FAM81A: variants seen among roughly 807,000 people sequenced by gnomAD.
FAM81A encodes the protein family with sequence similarity 81 member A.
FAM81A carries 19 observed loss-of-function variants against 46.7 expected under a neutral mutation model. The ratio of observed to expected loss-of-function variants is 0.41; its 90% CI spans 0.28 to 0.60. The LOEUF (loss-of-function observed/expected upper bound fraction) is 0.60, where lower values mean the gene tolerates loss of function less well. Ranked by LOEUF, FAM81A falls within the 20% of genes least tolerant of loss-of-function variation. The pLI is 0.34. For synonymous variants in FAM81A, 183 were observed against 152.9 expected (o/e 1.20, Z -1.45); for missense variants, 377 against 453.5 (o/e 0.83, Z 1.53).
chr15:59,400,498 A>T (rs1204469322), intron 1 of FAM81A, among the ~76,000 whole-genome samples: 1 of 152,174 alleles, frequency 6.6e-6, no homozygotes, highest in Non-Finnish European at 1.5e-5. Context: ...CAGTGTCATT[A>T]TCTTCAGCAT....
At chr15:59,443,907 C>T (rs1384068671) in intron 1 of FAM81A, 2 of 152,536 alleles carry the variant, frequency 1.3e-5, no homozygotes, top group Non-Finnish European at 2.9e-5. Context: ...CCATAGTCCT[C>T]ACCAATCAGC....
intron 3 of FAM81A, among the ~76,000 whole-genome samples, chr15:59,490,109 T>C (rs1262199038): frequency 6.8e-6 from 1 of 146,678 alleles, no homozygotes; most frequent in South Asian, 2.1e-4. Flanking sequence ...GAACCAAAAA[T>C]AAAAGTTGAA....
In FAM81A at chr15:59,516,569, G is replaced by A. The variant is rs1038465343; in HGVS notation, c.787-76G>A. 72 of 1,430,816 alleles carry A rather than the reference G, an allele frequency of 5.0e-5. No homozygotes were observed. In the Admixed American group the frequency reaches 1.1e-3, roughly 23 times the overall value. The allele number at this position is 1,430,816 out of a possible 1,614,324, so 88.6% of individuals were successfully genotyped here. ...TGTTTCTTGCAGATTGTTGTTAAACGATATTATGGCTGATGTGAATGCAAT... is the reference window on the plus strand; with the variant it reads ...TGTTTCTTGCAGATTGTTGTTAAACAATATTATGGCTGATGTGAATGCAAT... On this transcript the variant is annotated intron_variant, in intron 7 of 8. Transcript: ENST00000288228.
chr15:59,470,084 G>A (rs1333932649), intron 3 of FAM81A, among the ~76,000 whole-genome samples: 1 of 152,196 alleles, frequency 6.6e-6, no homozygotes. Context: ...TCTGCTGTTA[G>A]TCTGATGGAC....
intron 1 of FAM81A, among the ~76,000 whole-genome samples, chr15:59,440,526 C>T (rs1282277497): frequency 4.6e-5 from 7 of 152,200 alleles, no homozygotes; most frequent in Non-Finnish European, 1.0e-4. Context: ...TGTTGAAGCT[C>T]TCTTAATTCT....
At chr15:59,470,854 C>G (rs567842181) in intron 3 of FAM81A, among the ~76,000 whole-genome samples, 1 of 152,042 alleles carries the variant, frequency 6.6e-6, no homozygotes, top group Non-Finnish European at 1.5e-5. Context: ...CAGGGTCTGT[C>G]TGTCACCTAG....
rs1307567751 is a variant in FAM81A at position 59,438,195 on chromosome 15, C to A, written c.-165C>A. The A allele has an allele frequency of 6.8e-6, 1 of 146,594 alleles. No individual in the cohort carries two copies. Among genetic ancestry groups the A allele is most frequent in the Non-Finnish European group, 1.5e-5 (1 of 65,950 alleles). The allele number at this position is 146,594 out of a possible 1,614,324, so 9.1% of individuals were successfully genotyped here. On this transcript the variant is annotated 5_prime_UTR_variant, in exon 1 of 9. Transcript: ENST00000288228. Reference sequence around the variant, plus strand: ...CCCGCGGCGCGGGCCCGCAGCCGGGCGCCCTGCTCAGCCAGCGCCAGCGGC... The same window carrying A: ...CCCGCGGCGCGGGCCCGCAGCCGGGAGCCCTGCTCAGCCAGCGCCAGCGGC...
intron 5 of FAM81A, 115 bp downstream of exon 5, chr15:59,507,457 A>G: frequency 1.5e-6 from 2 of 1,334,728 alleles, no homozygotes; most frequent in Non-Finnish European, 2.0e-6. Context: ...GCATGGGTTT[A>G]TGCCAATCAT....
At chr15:59,467,891 C>G (rs1251796430) in intron 3 of FAM81A, among the ~76,000 whole-genome samples, 2 of 152,096 alleles carry the variant, frequency 1.3e-5, no homozygotes, top group African/African-American at 4.8e-5. Context: ...CCATCAATAC[C>G]TAGTCAAATG....
chr15:59,508,314 AT>A (rs1185346912), intron 5 of FAM81A, among the ~76,000 whole-genome samples: 3 of 152,164 alleles, frequency 2.0e-5, no homozygotes, highest in African/African-American at 7.2e-5. Context: ...GAACATTCTA[AT>A]TTTTGCAGAA....
upstream of FAM81A, among the ~76,000 whole-genome samples, chr15:59,434,012 T>C (rs2081232510): frequency 6.6e-6 from 1 of 152,166 alleles, no homozygotes; most frequent in Admixed American, 6.5e-5. Flanking sequence ...CCTGCCACCA[T>C]GCCCGGCTAG....
At chr15:59,504,741 G>A (rs1432475202) in intron 4 of FAM81A, among the ~76,000 whole-genome samples, 1 of 152,056 alleles carries the variant, frequency 6.6e-6, no homozygotes, top group Non-Finnish European at 1.5e-5. Context: ...TGGATGATAG[G>A]TTATTTACCC....
intron 3 of FAM81A, among the ~76,000 whole-genome samples, chr15:59,463,970 C>G (rs967264140): frequency 6.6e-6 from 1 of 152,218 alleles, no homozygotes; most frequent in Non-Finnish European, 1.5e-5. Context: ...TCCTTCCCTT[C>G]CCCCTACCCA....
chr15:59,421,438 C>T (rs529502490), intron 2 of FAM81A, among the ~76,000 whole-genome samples: 3 of 152,210 alleles, frequency 2.0e-5, no homozygotes, highest in Non-Finnish European at 2.9e-5. Context: ...ATAGCAGGAG[C>T]GTATATACGA....
chr15:59,460,216 G>T lies in FAM81A; in HGVS notation c.294+10G>T. The stretch of plus-strand genomic sequence containing the variant: ...TAATCGGGATATCGAGGTAAGGTTT[G>T]TGAAAGTCAGGTGGCCTATGTCCCT... On this transcript the variant is annotated intron_variant, in intron 3 of 8. Transcript: ENST00000288228. This position sits in a 1 kb window ranked among gnomAD's most constrained non-coding sequence, Gnocchi z 4.4. The T allele has an allele frequency of 6.2e-7, 1 of 1,614,020 alleles. No individual in the cohort carries two copies. Among genetic ancestry groups the T allele is most frequent in the Non-Finnish European group, 8.5e-7 (1 of 1,179,896 alleles).
chr15:59,473,458 C>T (rs556953876), intron 3 of FAM81A, among the ~76,000 whole-genome samples: 1 of 152,312 alleles, frequency 6.6e-6, no homozygotes, highest in African/African-American at 2.4e-5. Flanking sequence ...TGTCAGGCAT[C>T]CACAGGAAGT....
At position 59,507,270 on chromosome 15, in the gene FAM81A, C is replaced by G. The variant is rs1399991988; in HGVS notation, c.471C>G (p.Leu157=). The G allele has an allele frequency of 5.6e-6, 9 of 1,611,806 alleles. No individual in the cohort carries two copies. Among genetic ancestry groups the G allele is most frequent in the Non-Finnish European group, 7.6e-6 (9 of 1,179,104 alleles). The change falls in exon 5 of 9, where the codon CTC becomes CTG. Residue 157 remains leucine (L), a synonymous_variant. Transcript: ENST00000288228. ...SAEHKTTYEG[L]QHLNKEQQAA... ...AGCACAAAACGACCTATGAGGGGCT[C>G]CAGCACTTGAACAAAGAACAGCAGG...
Position 59,511,884 on chromosome 15 carries a change from C to G in FAM81A, c.651-2405C>G, listed in dbSNP as rs891475612. On this transcript the variant is annotated intron_variant, in intron 6 of 8. Transcript: ENST00000288228. ...CAGGATGGTCTCAATCTCCTGACCT[C>G]GTGATCTGCCCACCTCGGCCTCCCA... Among the ~76,000 whole-genome samples, 4 of 152,024 alleles carry G rather than the reference C, an allele frequency of 2.6e-5. No individual in the cohort carries two copies. In the South Asian group the frequency reaches 8.3e-4, roughly 32 times the overall value.
At chr15:59,449,747 A>C (rs1294448292) in intron 1 of FAM81A, among the ~76,000 whole-genome samples, 2 of 120,520 alleles carry the variant, frequency 1.7e-5, no homozygotes, top group Non-Finnish European at 3.2e-5. Context: ...GCGCCACTGC[A>C]CTCCAGCCTG....
Sources: gnomAD v4.1 joint callset for allele counts (sites outside exome capture counted in the v4.1 genomes callset) on GRCh38, gnomAD v4.1.1 for gene constraint, Gnocchi (gnomAD v3.1) non-coding constraint, MANE v1.5 for transcripts, NCBI Gene and HGNC (gene_info 2026-07-23, HGNC 2026-07-21) for gene names.